The following TBC1D22A variants were observed in gnomAD, a reference collection of about 807,000 sequenced individuals.
The protein encoded by TBC1D22A is putative GTPase activator.
A neutral mutation model predicts 60.2 loss-of-function variants in TBC1D22A; 38 were observed. The ratio of observed to expected loss-of-function variants is 0.63; its 90% CI spans 0.49 to 0.83. The LOEUF (loss-of-function observed/expected upper bound fraction) is 0.83. Among genes scored for constraint, TBC1D22A ranks in the 40% least tolerant of loss-of-function variants. The probability of loss-of-function intolerance (pLI) is 0.00; values close to 1 mark genes in which losing one functional copy is unlikely to be tolerated. For synonymous variants in TBC1D22A, 302 were observed against 281.7 expected (o/e 1.07, Z -0.72); for missense variants, 628 against 701.0 (o/e 0.90, Z 1.18).
chr22:46,854,723 T>TG (rs1238401587), intron 4 of TBC1D22A, among the ~76,000 whole-genome samples: 1 of 152,060 alleles, frequency 6.6e-6, no homozygotes, highest in East Asian at 1.9e-4. Flanking sequence ...TGGCAGGAGG[T>TG]GAATCACATT....
intron 10 of TBC1D22A, among the ~76,000 whole-genome samples, chr22:47,003,879 T>G (rs1205730546): frequency 7.7e-6 from 1 of 130,676 alleles, no homozygotes; most frequent in Non-Finnish European, 1.6e-5. Context: ...ACCAGATACA[T>G]ATACACACAC....
intron 8 of TBC1D22A, among the ~76,000 whole-genome samples, chr22:46,961,019 GAA>G (rs34680583): frequency 0.28 from 35,473 of 127,460 alleles, 4,785 homozygotes; most frequent in Non-Finnish European, 0.33. Flanking sequence ...TCAGAGACAA[GAA>G]AAAAAAAAAA....
intron 11 of TBC1D22A, among the ~76,000 whole-genome samples, chr22:47,101,530 G>T (rs1288022164): frequency 6.6e-6 from 1 of 152,276 alleles, no homozygotes; most frequent in African/African-American, 2.4e-5. Context: ...GGGCGAGGCG[G>T]CCAAGGCCCC....
intron 12 of TBC1D22A, among the ~76,000 whole-genome samples, chr22:47,115,200 CCACTT>C (rs2065993649): frequency 8.7e-5 from 1 of 11,506 alleles, no homozygotes; most frequent in Admixed American, 9.0e-4. Context: ...TGGAGGATTG[CCACTT>C]TGCCACCTCC....
At chr22:47,088,378 C>T (rs1403791164) in intron 11 of TBC1D22A, among the ~76,000 whole-genome samples, 2 of 152,014 alleles carry the variant, frequency 1.3e-5, no homozygotes, top group African/African-American at 4.8e-5. Context: ...GCCAAGAGCC[C>T]AATTTAAAGG....
intron 5 of TBC1D22A, among the ~76,000 whole-genome samples, chr22:46,885,908 A>AT (rs60941179): frequency 0.026 from 3,625 of 138,836 alleles, 154 homozygotes; most frequent in African/African-American, 0.084. Flanking sequence ...TACTGTTAGA[A>AT]TTTTTTTTTT....
intron 12 of TBC1D22A, 152 bp from the exon 13 acceptor site, chr22:47,173,346 G>A (rs1023438311): frequency 2.8e-6 from 3 of 1,073,954 alleles, no homozygotes; most frequent in East Asian, 2.5e-5. Context: ...CTGGGCTTGT[G>A]TCTTTCTCTC....
At chr22:47,153,890 G>A (rs2067606257) in intron 12 of TBC1D22A, among the ~76,000 whole-genome samples, 1 of 152,210 alleles carries the variant, frequency 6.6e-6, no homozygotes. Flanking sequence ...CCCGTGTGGA[G>A]GCGGGGAGTG....
At chr22:46,785,962 G>A (rs756542046) in intron 1 of TBC1D22A, among the ~76,000 whole-genome samples, 1 of 152,070 alleles carries the variant, frequency 6.6e-6, no homozygotes, top group Non-Finnish European at 1.5e-5. Flanking sequence ...TTGATTTTTT[G>A]TAGAGATCAA....
intron 1 of TBC1D22A, among the ~76,000 whole-genome samples, chr22:46,774,497 C>T (rs536258737): frequency 6.6e-6 from 1 of 152,376 alleles, no homozygotes; most frequent in African/African-American, 2.4e-5. Flanking sequence ...AGTCCAGTTG[C>T]TTAGAATACC....
At chr22:47,041,360 G>T (rs1051213472) in intron 11 of TBC1D22A, among the ~76,000 whole-genome samples, 4 of 152,168 alleles carry the variant, frequency 2.6e-5, no homozygotes, top group African/African-American at 9.7e-5. Flanking sequence ...TCTACCATTT[G>T]CTTCCTCTCC....
chr22:47,028,731 G>A lies in TBC1D22A; in HGVS notation c.1202-8340G>A, dbSNP rs1220611208. ...GACACGACGTTGACATTAAATGAAC[G>A]GTGGAGAAGTTATCTTGAGGGAATG... is the stretch of plus-strand genomic sequence containing the variant. On this transcript the variant is annotated intron_variant, in intron 10 of 12. Coordinates refer to ENST00000337137, the MANE Select transcript of TBC1D22A (RefSeq NM_014346.5). The surrounding 1 kb of genome is among the most constrained non-coding windows in gnomAD (Gnocchi z 4.4). Among the ~76,000 whole-genome samples, 1 of 152,238 alleles carries A rather than the reference G, an allele frequency of 6.6e-6. No homozygotes were observed. Among genetic ancestry groups the A allele is most frequent in the African/African-American group, 2.4e-5 (1 of 41,468 alleles).
intron 12 of TBC1D22A, among the ~76,000 whole-genome samples, chr22:47,161,784 A>G (rs916573592): frequency 2.0e-5 from 3 of 152,216 alleles, no homozygotes; most frequent in African/African-American, 7.2e-5. Context: ...TGTGGACCCG[A>G]CAGTGTGAGC....
chr22:46,986,712 G>A (rs1350636178), intron 9 of TBC1D22A, among the ~76,000 whole-genome samples: 1 of 78,196 alleles, frequency 1.3e-5, no homozygotes, highest in Non-Finnish European at 2.9e-5. Flanking sequence ...GATATGCTAG[G>A]GGTATATACA....
intron 4 of TBC1D22A, among the ~76,000 whole-genome samples, chr22:46,828,236 A>G (rs1333829903): frequency 2.0e-5 from 3 of 152,232 alleles, no homozygotes; most frequent in Admixed American, 6.5e-5. Flanking sequence ...TTTCTCACCC[A>G]CGGATTAATA....
chr22:46,787,723 A>G (rs1970314571), intron 1 of TBC1D22A, among the ~76,000 whole-genome samples: 1 of 152,212 alleles, frequency 6.6e-6, no homozygotes, highest in South Asian at 2.1e-4. Flanking sequence ...TTACATGGAA[A>G]TGGAAAATGT....
intron 7 of TBC1D22A, among the ~76,000 whole-genome samples, chr22:46,906,970 A>G (rs952085200): frequency 1.7e-4 from 26 of 151,096 alleles, no homozygotes; most frequent in African/African-American, 6.1e-4. Context: ...GTGTGTGTAG[A>G]TTGGTGCACT....
chr22:47,116,408 C>T (rs1411208922), intron 12 of TBC1D22A: 1 of 152,310 alleles, frequency 6.6e-6, no homozygotes, highest in African/African-American at 2.4e-5. Flanking sequence ...GAGGCCTCGG[C>T]AGCTGAGAGG....
At chr22:46,938,049 TG>T (rs2071761141) in intron 8 of TBC1D22A, among the ~76,000 whole-genome samples, 1 of 152,188 alleles carries the variant, frequency 6.6e-6, no homozygotes, top group Non-Finnish European at 1.5e-5. Context: ...TAATAATAAA[TG>T]TCGTGTGGCC....
Sources: gnomAD v4.1 joint callset for allele counts (sites outside exome capture counted in the v4.1 genomes callset) on GRCh38, gnomAD v4.1.1 for gene constraint, Gnocchi (gnomAD v3.1) non-coding constraint, MANE v1.5 for transcripts, NCBI Gene and HGNC (gene_info 2026-07-23, HGNC 2026-07-21) for gene names.